The following DOP1B variants were observed in gnomAD, a reference collection of about 807,000 sequenced individuals.
DOP1B encodes the protein protein DOP1B.
DOP1B carries 174 observed loss-of-function variants against 233.5 expected under a neutral mutation model. That is an observed-to-expected ratio of 0.75 (90% CI 0.66 to 0.85). DOP1B has a LOEUF of 0.85. Ranked by LOEUF, DOP1B falls within the 40% of genes least tolerant of loss-of-function variation. The pLI, the probability that DOP1B is intolerant of heterozygous loss-of-function variation, is 0.00. For missense variants in DOP1B, 2,652 were observed against 2,846.6 expected (o/e 0.93, Z 1.56); for synonymous variants, 1,190 against 1,185.6 (o/e 1.00, Z -0.08).
chr21:36,201,509 A>G (rs1461254289), intron 4 of DOP1B, among the ~76,000 whole-genome samples: 1 of 151,316 alleles, frequency 6.6e-6, no homozygotes, highest in Non-Finnish European at 1.5e-5. Context: ...CACCACACCC[A>G]GCTAATTTTT....
In DOP1B at chr21:36,225,583, C is replaced by G. The variant is rs1382840262; in HGVS notation, c.1389C>G (p.Tyr463Ter). 3 of 1,614,102 alleles carry G rather than the reference C, an allele frequency of 1.9e-6. No homozygotes were observed. Among genetic ancestry groups the G allele is most frequent in the Non-Finnish European group, 2.5e-6 (3 of 1,180,012 alleles). The change falls in exon 12 of 37, where the codon TAC (tyrosine) becomes TAG (stop). Residue 463 changes from tyrosine to a stop codon, truncating the protein, a stop_gained. Coordinates refer to ENST00000691173, the MANE Select transcript of DOP1B (RefSeq NM_001320714.2). LOFTEE classifies it high-confidence loss of function. ...EECFRPVKQR[Y>*]SVRNSVSPPP... ...TTTATAGACCAGTGAAGCAGCGTTA[C>G]AGCGTGAGGAACAGCGTCAGCCCTC...
At chr21:36,182,259 C>T (rs559597441) in intron 2 of DOP1B, among the ~76,000 whole-genome samples, 1 of 152,220 alleles carries the variant, frequency 6.6e-6, no homozygotes, top group Non-Finnish European at 1.5e-5. Flanking sequence ...ACCATTCTGC[C>T]CTCTTCTTTC....
chr21:36,245,290 C>G lies in DOP1B; in HGVS notation c.3310C>G (p.Pro1104Ala). The G allele has an allele frequency of 6.2e-7, 1 of 1,614,098 alleles. No homozygotes were observed. Among genetic ancestry groups the G allele is most frequent in the African/African-American group, 1.3e-5 (1 of 75,054 alleles). ...ELPDRTAHGA[P>A]DSSEHTESAD... is the part of the protein sequence containing the mutation. Reference sequence around the variant, plus strand: ...TCCAGACAGGACGGCCCACGGCGCCCCGGACAGCAGCGAGCACACCGAGTC... The same window carrying G: ...TCCAGACAGGACGGCCCACGGCGCCGCGGACAGCAGCGAGCACACCGAGTC... The change falls in exon 19 of 37, where the codon CCG becomes GCG. Residue 1104 changes from proline (P) to alanine (A), a missense_variant. By Grantham distance (27) the Pro-to-Ala change is conservative. Transcript: ENST00000691173. This position sits in a 1 kb window ranked among gnomAD's most constrained non-coding sequence, Gnocchi z 5.5.
intron 23 of DOP1B, among the ~76,000 whole-genome samples, chr21:36,257,862 G>C (rs138502241): frequency 4.1e-4 from 61 of 150,426 alleles, no homozygotes; most frequent in Non-Finnish European, 7.1e-4. Flanking sequence ...TAGGTAGAGA[G>C]ATAGATGTAG....
intron 1 of DOP1B, among the ~76,000 whole-genome samples, chr21:36,158,970 A>G (rs2065845473): frequency 6.6e-6 from 1 of 150,876 alleles, no homozygotes; most frequent in African/African-American, 2.4e-5. Context: ...TCTACCAAAA[A>G]TATTTTAAAA....
intron 26 of DOP1B, among the ~76,000 whole-genome samples, chr21:36,268,298 T>C (rs941710538): frequency 6.6e-6 from 1 of 152,166 alleles, no homozygotes; most frequent in Non-Finnish European, 1.5e-5. Flanking sequence ...TAGCGATATC[T>C]TCCCTACTTG....
Position 36,280,294 on chromosome 21 carries a change from C to T in DOP1B, c.5979C>T (p.Ser1993=). ...QMDTSCVHWK[S]IIDHLLTHEK... ...TTTCTTTAATATCCAGTTGGAAGTC[C>T]ATTATTGACCATCTTTTGACTCATG... The change falls in exon 31 of 37, where the codon TCC becomes TCT. Residue 1993 remains serine (S), a synonymous_variant. Transcript: ENST00000691173. The T allele has an allele frequency of 1.9e-6, 3 of 1,605,894 alleles. No individual in the cohort carries two copies. Among genetic ancestry groups the T allele is most frequent in the Non-Finnish European group, 1.7e-6 (2 of 1,175,320 alleles).
At chr21:36,203,644 TG>T (rs3216566) in intron 4 of DOP1B, among the ~76,000 whole-genome samples, 11 of 150,954 alleles carry the variant, frequency 7.3e-5, no homozygotes, top group Non-Finnish European at 1.5e-4. Flanking sequence ...GAGGGTGCAG[TG>T]GGGGGGGTCA....
At chr21:36,255,090 C>A (rs1363885741) in intron 23 of DOP1B, among the ~76,000 whole-genome samples, 1 of 151,206 alleles carries the variant, frequency 6.6e-6, no homozygotes, top group Non-Finnish European at 1.5e-5. Context: ...GCTGGGAGTA[C>A]AGGTGCATGC....
At position 36,245,873 on chromosome 21, in the gene DOP1B, T is replaced by C; in HGVS notation, c.3893T>C (p.Leu1298Pro). 1 of 1,613,480 alleles carries C rather than the reference T, an allele frequency of 6.2e-7. No homozygotes were observed. Among genetic ancestry groups the C allele is most frequent in the Non-Finnish European group, 8.5e-7 (1 of 1,179,916 alleles). Reference sequence around the variant, plus strand: ...ATTGGCCAGAGTTTCTACGGAAAGCTCCAGACCCAGGTCCCCAACGTGTGC... The same window carrying C: ...ATTGGCCAGAGTTTCTACGGAAAGCCCCAGACCCAGGTCCCCAACGTGTGC... The part of the protein sequence containing the change: ...ALIGQSFYGK[L>P]QTQVPNVCPH... The change falls in exon 19 of 37, where the codon CTC (leucine) becomes CCC (proline). Residue 1298 changes from leucine (L) to proline (P), a missense_variant. Transcript: ENST00000691173. This position sits in a 1 kb window ranked among gnomAD's most constrained non-coding sequence, Gnocchi z 5.5.
intron 23 of DOP1B, among the ~76,000 whole-genome samples, chr21:36,260,333 T>C (rs1299656996): frequency 6.6e-6 from 1 of 152,054 alleles, no homozygotes; most frequent in Non-Finnish European, 1.5e-5. Flanking sequence ...GGTAATCATA[T>C]GCATTCACTG....
chr21:36,219,532 C>G, intron 10 of DOP1B, 40 bp downstream of exon 10: 1 of 1,593,904 alleles, frequency 6.3e-7, no homozygotes, highest in Middle Eastern at 1.7e-4. Flanking sequence ...CTCTCTCCCT[C>G]CCCGGTACTG....
At chr21:36,264,777 T>A (rs1342076048) in intron 26 of DOP1B, among the ~76,000 whole-genome samples, 1 of 152,098 alleles carries the variant, frequency 6.6e-6, no homozygotes, top group Non-Finnish European at 1.5e-5. Flanking sequence ...CCAGCCTCCA[T>A]ACATGGATTT....
chr21:36,256,484 A>T (rs1031171630), intron 23 of DOP1B, among the ~76,000 whole-genome samples: 1 of 152,226 alleles, frequency 6.6e-6, no homozygotes, highest in Non-Finnish European at 1.5e-5. Context: ...TTATTAAAAA[A>T]TATAGCTATA....
At position 36,246,646 on chromosome 21, in the gene DOP1B, T is replaced by A. The variant is rs776375204; in HGVS notation, c.4666T>A (p.Tyr1556Asn). The stretch of plus-strand genomic sequence containing the variant: ...AAACTTGGATGACTTGGTCAAGCAG[T>A]ATGAAAGCGAATCTGTGAAGCTCTC... ...CKNLDDLVKQ[Y>N]ESESVKLSVS... The change falls in exon 19 of 37, where the codon TAT (tyrosine) becomes AAT (asparagine). Residue 1556 changes from tyrosine (Y) to asparagine (N), a missense_variant. Transcript: ENST00000691173. This position sits in a 1 kb window ranked among gnomAD's most constrained non-coding sequence, Gnocchi z 5.1. 6.2e-7 allele frequency: 1 copy of A among 1,612,756 alleles called. No individual in the cohort carries two copies. Among genetic ancestry groups the A allele is most frequent in the Non-Finnish European group, 8.5e-7 (1 of 1,178,972 alleles).
Position 36,245,084 on chromosome 21 carries a change from CT to C in DOP1B, c.3107del (p.Phe1036SerfsTer21), listed in dbSNP as rs1428152319. 6.2e-7 allele frequency: 1 copy of C among 1,602,346 alleles called. No homozygotes were observed. Among genetic ancestry groups the C allele is most frequent in the African/African-American group, 1.3e-5 (1 of 74,822 alleles). ...CGTTGGTTTAACAGGAAGAAAACCT[CT>C]TTCAGAGAGGCATGCGCAGTGCCCG... ...LHRWFNRKKT[S>X]FREACAVPEP... is the part of the protein sequence containing the mutation. On this transcript the variant is annotated frameshift_variant, in exon 19 of 37. Coordinates refer to ENST00000691173, the MANE Select transcript of DOP1B (RefSeq NM_001320714.2). LOFTEE classifies it high-confidence loss of function. This position sits in a 1 kb window ranked among gnomAD's most constrained non-coding sequence, Gnocchi z 5.5.
chr21:36,191,195 A>G (rs957253437), intron 2 of DOP1B, among the ~76,000 whole-genome samples: 1 of 151,952 alleles, frequency 6.6e-6, no homozygotes, highest in African/African-American at 2.4e-5. Context: ...CGTTGGGGGA[A>G]GGGTGAAGAC....
intron 27 of DOP1B, among the ~76,000 whole-genome samples, chr21:36,270,733 G>A (rs2067278900): frequency 6.6e-6 from 1 of 151,202 alleles, no homozygotes; most frequent in South Asian, 2.1e-4. Flanking sequence ...GGCCAAGATG[G>A]TGAAACCCCA....
intron 23 of DOP1B, 128 bp from the exon 24 acceptor site, chr21:36,260,549 T>C (rs924002928): frequency 6.4e-5 from 80 of 1,249,602 alleles, no homozygotes; most frequent in Non-Finnish European, 8.8e-5. Context: ...TCTGTTGTTA[T>C]ATCTGAAAGA....
Sources: allele counts gnomAD v4.1 joint callset (sites outside exome capture counted in the v4.1 genomes callset), GRCh38; gene constraint gnomAD v4.1.1; non-coding constraint Gnocchi (gnomAD v3.1); transcripts MANE v1.5; gene names NCBI Gene and HGNC (gene_info 2026-07-23, HGNC 2026-07-21).